Variants in DENND1B observed in about 807,000 individuals in gnomAD.
DENND1B encodes DENN domain containing 1B.
A neutral mutation model predicts 90.1 loss-of-function variants in DENND1B; 59 were observed. That is an observed-to-expected ratio of 0.65 (90% confidence interval 0.53 to 0.81). The LOEUF is 0.81. DENND1B is among the 40% of genes least tolerant of loss of function. The probability of loss-of-function intolerance (pLI) is 0.00; values close to 1 mark genes in which losing one functional copy is unlikely to be tolerated. For missense variants in DENND1B, 862 were observed against 912.6 expected (o/e 0.94, Z 0.71); for synonymous variants, 337 against 324.6 (o/e 1.04, Z -0.41).
chr1:197,760,457 C>T (rs947539597), intron 2 of DENND1B, among the ~76,000 whole-genome samples: 14 of 151,910 alleles, frequency 9.2e-5, no homozygotes, highest in Admixed American at 7.2e-4. Flanking sequence ...CAAGACCAGT[C>T]TGGGCAAAAT....
At chr1:197,611,461 T>C (rs1572061042) in intron 12 of DENND1B, among the ~76,000 whole-genome samples, 1 of 150,994 alleles carries the variant, frequency 6.6e-6, no homozygotes, top group Non-Finnish European at 1.5e-5. Context: ...CTTAAGGCTA[T>C]ATTCTAAAGT....
upstream of DENND1B, among the ~76,000 whole-genome samples, chr1:197,778,429 C>T (rs540587586): frequency 2.6e-5 from 4 of 152,290 alleles, 1 homozygote; most frequent in Admixed American, 2.6e-4. Context: ...CATCCCATCA[C>T]TTTGGGAGGC....
intron 15 of DENND1B, among the ~76,000 whole-genome samples, chr1:197,574,337 C>T (rs888409801): frequency 3.9e-5 from 6 of 152,188 alleles, no homozygotes; most frequent in East Asian, 1.9e-4. Context: ...AACTCCCATT[C>T]GCAATTGCTA....
Position 197,505,097 on chromosome 1 carries a change from A to C in DENND1B, c.*5363T>G, listed in dbSNP as rs1416847087. On this transcript the variant is annotated 3_prime_UTR_variant, in exon 23 of 23. Coordinates refer to ENST00000620048, the MANE Select transcript of DENND1B (RefSeq NM_001195215.2). ...GAACCCCTCCTGTGGCTTTTACATA[A>C]AAAAGCTTTATGCATTTATGTTGTA... is the stretch of plus-strand genomic sequence containing the variant. 6.6e-6 allele frequency: 1 copy of C among 151,768 alleles called. No homozygotes were observed. Among genetic ancestry groups the C allele is most frequent in the Non-Finnish European group, 1.5e-5 (1 of 67,828 alleles). 9.4% of individuals were successfully genotyped at this position (151,768 alleles called of 1,614,324 possible). A position where few individuals can be genotyped will look rare whatever the true frequency, so the allele number is the denominator to read the frequency against.
At chr1:197,775,893 T>TG (rs1298818394), upstream of DENND1B, among the ~76,000 whole-genome samples, 2 of 152,186 alleles carry the variant, frequency 1.3e-5, no homozygotes, top group African/African-American at 2.4e-5. Context: ...CCCTGGCTCT[T>TG]GCGTCACTCC....
intron 5 of DENND1B, among the ~76,000 whole-genome samples, chr1:197,667,513 T>C (rs1404685427): frequency 6.6e-6 from 1 of 152,098 alleles, no homozygotes. Flanking sequence ...AACTGCAACC[T>C]CCGCCTCCTG....
chr1:197,725,611 C>A (rs753942136), intron 2 of DENND1B, among the ~76,000 whole-genome samples: 5 of 151,182 alleles, frequency 3.3e-5, no homozygotes, highest in African/African-American at 7.3e-5. Flanking sequence ...AAACACTATA[C>A]AACTCTGAAA....
At chr1:197,716,083 C>T (rs1354311418) in intron 2 of DENND1B, among the ~76,000 whole-genome samples, 2 of 151,824 alleles carry the variant, frequency 1.3e-5, no homozygotes, top group Non-Finnish European at 2.9e-5. Flanking sequence ...TGAAAACTTA[C>T]AGCTTGATTC....
chr1:197,616,905 A>G (rs1677702396), intron 11 of DENND1B, among the ~76,000 whole-genome samples: 1 of 151,074 alleles, frequency 6.6e-6, no homozygotes, highest in African/African-American at 2.4e-5. Context: ...TGCAATGAAG[A>G]TAACATTTCC....
At chr1:197,545,028 G>GAGGAGAAGGAGAAGGAGAAGGAGA (rs74211600) in intron 18 of DENND1B, among the ~76,000 whole-genome samples, 1,552 of 109,136 alleles carry the variant, frequency 0.014, 55 homozygotes, top group African/African-American at 0.05. Context: ...ACGAAAGAAG[G>GAGGAGAAGGAGAAGGAGAAGGAGA]AGGAGAAGGA....
intron 13 of DENND1B, among the ~76,000 whole-genome samples, chr1:197,602,972 T>C (rs1343594566): frequency 6.6e-6 from 1 of 151,346 alleles, no homozygotes; most frequent in East Asian, 1.9e-4. Flanking sequence ...AGCTTCACCA[T>C]AATATGTATG....
intron 10 of DENND1B, among the ~76,000 whole-genome samples, chr1:197,627,572 A>C (rs1183081765): frequency 1.3e-5 from 2 of 152,124 alleles, no homozygotes; most frequent in African/African-American, 2.4e-5. Context: ...AGCCAATATC[A>C]TACTGAATGG....
intron 10 of DENND1B, among the ~76,000 whole-genome samples, chr1:197,638,656 T>C (rs1042385758): frequency 3.3e-5 from 5 of 152,198 alleles, no homozygotes; most frequent in East Asian, 1.9e-4. Flanking sequence ...AGTCAACTGA[T>C]ACCCCCTTGT....
intron 2 of DENND1B, chr1:197,747,196 T>G: frequency 1.4e-6 from 1 of 730,574 alleles, no homozygotes; most frequent in Non-Finnish European, 2.5e-6. Context: ...TTCAGAATGT[T>G]TTTTATGCAA....
At chr1:197,700,962 A>G (rs961893194) in intron 3 of DENND1B, among the ~76,000 whole-genome samples, 1 of 152,216 alleles carries the variant, frequency 6.6e-6, no homozygotes, top group African/African-American at 2.4e-5. Context: ...GTGGAGAAAC[A>G]GGAATGCTTT....
intron 20 of DENND1B, among the ~76,000 whole-genome samples, chr1:197,524,425 A>C (rs569900037): frequency 1.8e-4 from 28 of 152,274 alleles, no homozygotes; most frequent in African/African-American, 6.7e-4. Context: ...AGAAGTTAGG[A>C]AAGTTACTCA....
chr1:197,575,290 T>C (rs1673568663), intron 15 of DENND1B, among the ~76,000 whole-genome samples: 1 of 151,764 alleles, frequency 6.6e-6, no homozygotes. Flanking sequence ...GAACAGACGC[T>C]TCTCAAAAGA....
intron 2 of DENND1B, chr1:197,747,006 A>C (rs1652775170): frequency 1.1e-6 from 1 of 901,352 alleles, no homozygotes. Flanking sequence ...CTGATTTCTC[A>C]ACATTTTTCC....
At chr1:197,746,714 T>C in intron 2 of DENND1B, 2 of 897,510 alleles carry the variant, frequency 2.2e-6, no homozygotes, top group Non-Finnish European at 3.7e-6. Flanking sequence ...AATTGAGCAT[T>C]TGAGTCCACA....
Sources: allele counts gnomAD v4.1 joint callset (sites outside exome capture counted in the v4.1 genomes callset), GRCh38; gene constraint gnomAD v4.1.1; transcripts MANE v1.5; gene names NCBI Gene and HGNC (gene_info 2026-07-23, HGNC 2026-07-21).